Variants in SEC63 observed in about 807,000 individuals in gnomAD.
SEC63 encodes the protein translocation protein SEC63 homolog.
SEC63 carries 56 observed loss-of-function variants against 116.2 expected under a neutral mutation model. The observed-to-expected ratio is 0.48, with a 90% CI of 0.39 to 0.60. SEC63 has a LOEUF of 0.60. Ranked by LOEUF, SEC63 falls within the 20% of genes least tolerant of loss-of-function variation. The probability of loss-of-function intolerance (pLI) is 0.00; values close to 1 mark genes in which losing one functional copy is unlikely to be tolerated. For synonymous variants in SEC63, 273 were observed against 294.6 expected (o/e 0.93, Z 0.75); for missense variants, 668 against 900.0 (o/e 0.74, Z 3.30).
intron 1 of SEC63, among the ~76,000 whole-genome samples, chr6:107,939,875 A>C (rs1310465604): frequency 2.0e-5 from 3 of 152,204 alleles, no homozygotes; most frequent in African/African-American, 7.2e-5. Flanking sequence ...AAAAATTGGG[A>C]AATACTGCTC....
intron 19 of SEC63, among the ~76,000 whole-genome samples, chr6:107,876,056 C>A (rs1296891657): frequency 6.6e-6 from 1 of 151,890 alleles, no homozygotes. Context: ...AGAAAAAAAA[C>A]ACACACACAA....
intron 16 of SEC63, among the ~76,000 whole-genome samples, chr6:107,886,226 A>G (rs1277513234): frequency 6.6e-6 from 1 of 152,172 alleles, no homozygotes; most frequent in Non-Finnish European, 1.5e-5. Context: ...TCCATGGTGT[A>G]TATGTGCCAC....
intron 10 of SEC63, 25 bp from the exon 11 acceptor site, chr6:107,904,746 A>T: frequency 6.6e-7 from 1 of 1,523,778 alleles, no homozygotes; most frequent in Admixed American, 1.7e-5. Context: ...AAAACCTGAA[A>T]CAGATCATTT....
At chr6:107,917,102 G>C (rs563879027) in intron 4 of SEC63, among the ~76,000 whole-genome samples, 1 of 152,300 alleles carries the variant, frequency 6.6e-6, no homozygotes, top group Non-Finnish European at 1.5e-5. Flanking sequence ...GCAGAAAACT[G>C]CTTAAAGGCA....
At chr6:107,915,055 ATTT>A (rs897174355) in intron 4 of SEC63, among the ~76,000 whole-genome samples, 1 of 152,150 alleles carries the variant, frequency 6.6e-6, no homozygotes, top group Non-Finnish European at 1.5e-5. Flanking sequence ...AAGCAAATGA[ATTT>A]TTGTTACTTA....
In SEC63 at chr6:107,911,170, C is replaced by A. The variant is rs1787276052; in HGVS notation, c.624+176G>T. 8.1e-6 allele frequency: 5 copies of A among 617,750 alleles called. No individual in the cohort carries two copies. The South Asian group carries it at 9.8e-5, about 12-fold the overall frequency. 38.3% of individuals were successfully genotyped at this position (617,750 alleles called of 1,614,324 possible). Reference sequence around the variant, plus strand: ...GCAGAGGTGGGGTCATGGCTCACCGCAACCTCAAACACCTAGGCTCAAGCG... The same window carrying A: ...GCAGAGGTGGGGTCATGGCTCACCGAAACCTCAAACACCTAGGCTCAAGCG... On this transcript the variant is annotated intron_variant, in intron 7 of 20. Coordinates refer to ENST00000369002, the MANE Select transcript of SEC63 (RefSeq NM_007214.5).
chr6:107,899,843 C>T (rs1284615471), intron 13 of SEC63, among the ~76,000 whole-genome samples: 2 of 152,192 alleles, frequency 1.3e-5, no homozygotes, highest in Non-Finnish European at 2.9e-5. Context: ...GTCCTAAATA[C>T]AGCTTTTAAA....
At chr6:107,881,941 ATTAGTCTG>A (rs1387671213) in intron 17 of SEC63, among the ~76,000 whole-genome samples, 1 of 152,176 alleles carries the variant, frequency 6.6e-6, no homozygotes, top group African/African-American at 2.4e-5. Context: ...ATATGAAGAA[ATTAGTCTG>A]TCAAAACCCT....
intron 5 of SEC63, 131 bp downstream of exon 5, chr6:107,913,235 C>A: frequency 1.4e-6 from 1 of 695,078 alleles, no homozygotes; most frequent in South Asian, 1.8e-5. Context: ...TTAATGAGAG[C>A]TCAATTTATC....
At chr6:107,941,112 A>C (rs974264831) in intron 1 of SEC63, among the ~76,000 whole-genome samples, 1 of 152,194 alleles carries the variant, frequency 6.6e-6, no homozygotes, top group Non-Finnish European at 1.5e-5. Context: ...TAAACACCAC[A>C]TACCCCAAAG....
intron 16 of SEC63, among the ~76,000 whole-genome samples, chr6:107,889,845 A>T (rs1786637807): frequency 6.6e-6 from 1 of 152,194 alleles, no homozygotes; most frequent in African/African-American, 2.4e-5. Context: ...TTTACCCAGT[A>T]GTCATTCAGG....
At chr6:107,879,002 T>G (rs994570063) in intron 18 of SEC63, among the ~76,000 whole-genome samples, 8 of 152,224 alleles carry the variant, frequency 5.3e-5, no homozygotes, top group Non-Finnish European at 1.0e-4. Context: ...TTTGTGAGAT[T>G]CCTAACCATT....
chr6:107,938,647 C>G lies in SEC63; in HGVS notation c.125-9133G>C, dbSNP rs140971329. On this transcript the variant is annotated intron_variant, in intron 1 of 20. Transcript: ENST00000369002. ...GCGTGATCTCAGCTCACTGCAACCTCCAACTCCCAGGTTCAAGCAATGCCT... is the reference window on the plus strand; with the variant it reads ...GCGTGATCTCAGCTCACTGCAACCTGCAACTCCCAGGTTCAAGCAATGCCT... 7.2e-5 allele frequency among the ~76,000 whole-genome samples: 11 copies of G among 151,742 alleles called. No individual in the cohort carries two copies. In the East Asian group the frequency reaches 1.9e-3, roughly 27 times the overall value.
intron 11 of SEC63, 148 bp downstream of exon 11, chr6:107,904,481 G>A (rs776623451): frequency 1.5e-6 from 1 of 663,450 alleles, no homozygotes; most frequent in Non-Finnish European, 2.7e-6. Context: ...ATATAGGAAA[G>A]AAATATGAAA....
At chr6:107,903,147 G>A (rs1583742811) in intron 11 of SEC63, 149 bp from the exon 12 acceptor site, 1 of 777,628 alleles carries the variant, frequency 1.3e-6, no homozygotes, top group Non-Finnish European at 2.2e-6. Flanking sequence ...AGTTACCAGA[G>A]AAGACACTAA....
chr6:107,886,340 A>G (rs1275158577), intron 16 of SEC63, among the ~76,000 whole-genome samples: 2 of 152,232 alleles, frequency 1.3e-5, no homozygotes, highest in Non-Finnish European at 2.9e-5. Context: ...GTGTCTTTAT[A>G]GTAAAATGAT....
chr6:107,943,315 T>C (rs1770415571), intron 1 of SEC63, among the ~76,000 whole-genome samples: 1 of 152,372 alleles, frequency 6.6e-6, no homozygotes, highest in East Asian at 1.9e-4. Context: ...TGAATAAGTT[T>C]TGATAAATTT....
chr6:107,878,133 G>C (rs565503752), intron 18 of SEC63, among the ~76,000 whole-genome samples: 1 of 152,134 alleles, frequency 6.6e-6, no homozygotes, highest in South Asian at 2.1e-4. Context: ...TTACAATAAA[G>C]CCTCATTTAC....
intron 16 of SEC63, among the ~76,000 whole-genome samples, chr6:107,890,786 T>A (rs1198107719): frequency 6.6e-6 from 1 of 152,222 alleles, no homozygotes; most frequent in African/African-American, 2.4e-5. Flanking sequence ...TCCCTCCGCA[T>A]TTCCTTGTCT....
Sources: allele counts gnomAD v4.1 joint callset (sites outside exome capture counted in the v4.1 genomes callset), GRCh38; gene constraint gnomAD v4.1.1; transcripts MANE v1.5; gene names NCBI Gene and HGNC (gene_info 2026-07-23, HGNC 2026-07-21).